Variants in MRPS28 observed in about 807,000 individuals in gnomAD.
The protein encoded by MRPS28 is small ribosomal subunit protein bS1m.
MRPS28 carries 7 observed loss-of-function variants against 10.8 expected under a neutral mutation model. That is an observed-to-expected ratio of 0.65 (90% CI 0.37 to 1.22). The LOEUF is 1.22. Among genes scored for constraint, MRPS28 ranks in the 50% most tolerant of loss-of-function variants. The pLI is 0.02. For synonymous variants in MRPS28, 121 were observed against 93.3 expected, an observed-to-expected ratio of 1.30 and a Z score of -1.71; for missense variants, 265 against 232.9, an observed-to-expected ratio of 1.14 and a Z score of -0.90.
intron 2 of MRPS28, among the ~76,000 whole-genome samples, chr8:79,925,251 A>C (rs527671858): frequency 6.6e-6 from 1 of 152,268 alleles, no homozygotes; most frequent in African/African-American, 2.4e-5. Context: ...GAAAAAAAAA[A>C]AAACTAATGA....
intron 1 of MRPS28, among the ~76,000 whole-genome samples, chr8:80,029,496 T>C (rs78819554): frequency 0.017 from 2,641 of 152,280 alleles, 75 homozygotes; most frequent in African/African-American, 0.058. Flanking sequence ...CTTTACTTTT[T>C]AAAAAAAGAA....
intron 2 of MRPS28, among the ~76,000 whole-genome samples, chr8:79,966,058 A>G: frequency 6.6e-6 from 1 of 152,090 alleles, no homozygotes; most frequent in Non-Finnish European, 1.5e-5. Context: ...GACTAAATTG[A>G]CCAAAGGTTC....
intron 2 of MRPS28, among the ~76,000 whole-genome samples, chr8:79,975,366 T>C (rs1807766834): frequency 6.6e-6 from 1 of 152,164 alleles, no homozygotes; most frequent in South Asian, 2.1e-4. Context: ...CACAGACCAC[T>C]ACTTTTACAA....
At chr8:79,951,066 T>C (rs779651564) in intron 2 of MRPS28, among the ~76,000 whole-genome samples, 1 of 152,228 alleles carries the variant, frequency 6.6e-6, no homozygotes, top group South Asian at 2.1e-4. Context: ...AGAATAAATA[T>C]GTGACCAGTG....
chr8:79,923,755 A>G (rs1256344056), intron 2 of MRPS28, among the ~76,000 whole-genome samples: 2 of 152,138 alleles, frequency 1.3e-5, no homozygotes. Context: ...TCCAGCCTAA[A>G]TGGATTCAAT....
chr8:79,920,562 A>C (rs1445262564), intron 2 of MRPS28, among the ~76,000 whole-genome samples: 3 of 152,072 alleles, frequency 2.0e-5, no homozygotes, highest in Non-Finnish European at 2.9e-5. Context: ...ACATTTTTTC[A>C]TGTGTCTTTT....
intron 2 of MRPS28, chr8:79,956,604 G>A (rs988836197): frequency 6.6e-6 from 1 of 152,046 alleles, no homozygotes; most frequent in Non-Finnish European, 1.5e-5. Context: ...GGACCCAATG[G>A]TTATTTTTCT....
At chr8:80,009,732 G>A (rs1342546792) in intron 1 of MRPS28, among the ~76,000 whole-genome samples, 2 of 152,048 alleles carry the variant, frequency 1.3e-5, no homozygotes, top group Non-Finnish European at 2.9e-5. Context: ...GTAGAAGAGT[G>A]CCTGTATATC....
intron 2 of MRPS28, among the ~76,000 whole-genome samples, chr8:79,964,763 C>A (rs773401033): frequency 1.3e-5 from 2 of 152,060 alleles, no homozygotes; most frequent in African/African-American, 2.4e-5. Flanking sequence ...AGACCTGGCA[C>A]CATGTGAGCA....
chr8:79,971,537 C>T (rs1361655499), intron 2 of MRPS28, among the ~76,000 whole-genome samples: 1 of 152,164 alleles, frequency 6.6e-6, no homozygotes, highest in African/African-American at 2.4e-5. Context: ...CTTCCCATCC[C>T]TAGGTCACCA....
intron 1 of MRPS28, among the ~76,000 whole-genome samples, chr8:80,016,932 A>G (rs1167271235): frequency 1.3e-5 from 2 of 152,194 alleles, no homozygotes; most frequent in East Asian, 3.8e-4. Flanking sequence ...TGAACTCAAC[A>G]ACATCATAAA....
At chr8:80,013,464 G>T (rs928220679) in intron 1 of MRPS28, among the ~76,000 whole-genome samples, 1 of 151,618 alleles carries the variant, frequency 6.6e-6, no homozygotes, top group African/African-American at 2.4e-5. Context: ...GGGAAACCCT[G>T]TCTCTACTAA....
intron 2 of MRPS28, among the ~76,000 whole-genome samples, chr8:79,990,283 A>G (rs1808322918): frequency 6.6e-6 from 1 of 152,192 alleles, no homozygotes; most frequent in Non-Finnish European, 1.5e-5. Context: ...CACCTGGGCT[A>G]GAAACCTTTA....
intron 2 of MRPS28, chr8:79,958,577 A>C (rs1032214551): frequency 7.1e-6 from 4 of 567,330 alleles, no homozygotes; most frequent in Non-Finnish European, 1.2e-5. Flanking sequence ...GATTTTGTTG[A>C]GTTTTTCTTT....
chr8:80,029,672 A>G, intron 1 of MRPS28: 1 of 1,264,536 alleles, frequency 7.9e-7, no homozygotes, highest in Non-Finnish European at 1.1e-6. Flanking sequence ...GACCCAGCAG[A>G]GCCCTGCCTC....
chr8:80,004,785 C>G (rs768224758), intron 1 of MRPS28, among the ~76,000 whole-genome samples: 1 of 152,186 alleles, frequency 6.6e-6, no homozygotes, highest in Non-Finnish European at 1.5e-5. Context: ...GCAGAGAAGT[C>G]CTTAAATGAC....
chr8:79,925,717 G>A (rs1227057505), intron 2 of MRPS28, among the ~76,000 whole-genome samples: 1 of 152,146 alleles, frequency 6.6e-6, no homozygotes, highest in East Asian at 1.9e-4. Context: ...GCCAGCCATG[G>A]TGGCTCACGC....
intron 2 of MRPS28, among the ~76,000 whole-genome samples, chr8:79,995,093 A>G (rs1257771987): frequency 1.3e-5 from 2 of 152,138 alleles, no homozygotes; most frequent in Non-Finnish European, 2.9e-5. Flanking sequence ...ATATGATGTT[A>G]TATTTATTGG....
At chr8:80,011,659 A>G (rs1809053858) in intron 1 of MRPS28, among the ~76,000 whole-genome samples, 1 of 152,268 alleles carries the variant, frequency 6.6e-6, no homozygotes, top group Admixed American at 6.5e-5. Context: ...AAGCTGAGGC[A>G]GGAGAATCAC....
Sources: allele counts gnomAD v4.1 joint callset (sites outside exome capture counted in the v4.1 genomes callset), GRCh38; gene constraint gnomAD v4.1.1; transcripts MANE v1.5; gene names NCBI Gene and HGNC (gene_info 2026-07-23, HGNC 2026-07-21).